The following RORA variants were observed in gnomAD, a reference collection of about 807,000 sequenced individuals.
RORA encodes RAR related orphan receptor A.
A neutral mutation model predicts 69.5 loss-of-function variants in RORA; 7 were observed. That is an observed-to-expected ratio of 0.10 (90% CI 0.06 to 0.19). The LOEUF (loss-of-function observed/expected upper bound fraction) is 0.19, where lower values mean the gene tolerates loss of function less well. Among genes scored for constraint, RORA ranks in the 10% least tolerant of loss-of-function variants. The pLI is 1.00. For synonymous variants in RORA, 261 were observed against 240.8 expected (o/e 1.08, Z -0.78); for missense variants, 457 against 663.0 (o/e 0.69, Z 3.41).
chr15:60,517,084 T>C (rs976432924), intron 3 of RORA, among the ~76,000 whole-genome samples: 4 of 146,474 alleles, frequency 2.7e-5, no homozygotes, highest in Non-Finnish European at 5.9e-5. Flanking sequence ...CCAATCAGAT[T>C]TTATTTTTCT....
intron 1 of RORA, among the ~76,000 whole-genome samples, chr15:61,146,459 T>TACAC (rs5813074): frequency 2.8e-4 from 42 of 149,630 alleles, no homozygotes; most frequent in African/African-American, 7.9e-4. Context: ...CACATACACA[T>TACAC]ACACACACAC....
intron 1 of RORA, among the ~76,000 whole-genome samples, chr15:61,161,055 G>A (rs1567017331): frequency 6.6e-6 from 1 of 152,090 alleles, no homozygotes; most frequent in African/African-American, 2.4e-5. Context: ...GGGAGGCGGA[G>A]GGGGTCTGAC....
At chr15:60,695,518 T>C (rs2140781816) in intron 1 of RORA, among the ~76,000 whole-genome samples, 1 of 152,162 alleles carries the variant, frequency 6.6e-6, no homozygotes, top group Admixed American at 6.5e-5. Context: ...TTCCAAATAA[T>C]TCTTACAATT....
intron 1 of RORA, among the ~76,000 whole-genome samples, chr15:60,726,702 G>T (rs2071361524): frequency 6.6e-6 from 1 of 152,164 alleles, no homozygotes; most frequent in Non-Finnish European, 1.5e-5. Context: ...GGGGCGGGTG[G>T]GTATGCGGGG....
intron 1 of RORA, among the ~76,000 whole-genome samples, chr15:60,832,896 T>A (rs1472005386): frequency 6.6e-6 from 1 of 151,934 alleles, no homozygotes; most frequent in African/African-American, 2.4e-5. Flanking sequence ...TTCTGTTCCA[T>A]CCCAACTGAG....
chr15:61,219,331 T>C (rs1221280552), intron 1 of RORA, among the ~76,000 whole-genome samples: 1 of 152,190 alleles, frequency 6.6e-6, no homozygotes, highest in African/African-American at 2.4e-5. Flanking sequence ...TCCCAGCACT[T>C]TGGGAGGCCA....
intron 1 of RORA, among the ~76,000 whole-genome samples, chr15:60,695,629 C>G (rs919941008): frequency 6.6e-6 from 1 of 152,120 alleles, no homozygotes; most frequent in African/African-American, 2.4e-5. Flanking sequence ...CAAGTCATCA[C>G]CCTGATGCCA....
chr15:61,103,104 T>C (rs772888572), intron 1 of RORA, among the ~76,000 whole-genome samples: 3 of 152,174 alleles, frequency 2.0e-5, no homozygotes, highest in Non-Finnish European at 2.9e-5. Context: ...TCACTTATTT[T>C]AGGTGGGTAA....
chr15:60,938,599 A>G (rs6494234), intron 1 of RORA, among the ~76,000 whole-genome samples: 24,360 of 152,198 alleles, frequency 0.16, 2,023 homozygotes, highest in Admixed American at 0.21. Flanking sequence ...GGATACAGGT[A>G]CATGGTTAGA....
chr15:60,616,252 T>A (rs753418113), intron 2 of RORA, among the ~76,000 whole-genome samples: 68 of 152,144 alleles, frequency 4.5e-4, no homozygotes, highest in Non-Finnish European at 1.0e-3. Context: ...ATAAAAGTGT[T>A]GATCAAATCC....
At chr15:61,204,206 C>T (rs1025789765) in intron 1 of RORA, among the ~76,000 whole-genome samples, 6 of 152,298 alleles carry the variant, frequency 3.9e-5, no homozygotes, top group Middle Eastern at 3.4e-3. Context: ...CAAGCTGAGA[C>T]TCACCAGATG....
chr15:60,684,174 T>G (rs192992541), intron 1 of RORA, among the ~76,000 whole-genome samples: 5 of 152,172 alleles, frequency 3.3e-5, no homozygotes, highest in Non-Finnish European at 7.3e-5. Flanking sequence ...CCAGAGGCCT[T>G]GTATCCTGGA....
intron 1 of RORA, among the ~76,000 whole-genome samples, chr15:60,883,259 A>C (rs997570194): frequency 6.6e-6 from 1 of 152,136 alleles, no homozygotes; most frequent in African/African-American, 2.4e-5. Context: ...CACAGCAAGA[A>C]CAGCATTACG....
At position 60,903,152 on chromosome 15, in the gene RORA, C is replaced by A. The variant is rs114910455; in HGVS notation, c.167-224466G>T. Among the ~76,000 whole-genome samples the A allele has an allele frequency of 6.6e-3, 1,001 of 152,254 alleles. 12 individuals carry two copies. The highest frequency in any genetic ancestry group is 0.023 in the African/African-American group (938 of 41,542). On this transcript the variant is annotated intron_variant, in intron 1 of 10. Transcript: ENST00000335670. ...CAACTGGCATTCATCAAGCACCAAC[C>A]ACAGGCTTGAAATTTATATTAGTTG...
At chr15:60,996,833 C>T (rs906736383) in intron 1 of RORA, among the ~76,000 whole-genome samples, 2 of 151,922 alleles carry the variant, frequency 1.3e-5, no homozygotes, top group African/African-American at 4.8e-5. Flanking sequence ...TGGTGTGAAC[C>T]CAGGAGGCGG....
At chr15:60,587,922 C>A (rs1367009672) in intron 2 of RORA, among the ~76,000 whole-genome samples, 2 of 152,136 alleles carry the variant, frequency 1.3e-5, no homozygotes, top group Non-Finnish European at 1.5e-5. Flanking sequence ...GACCTCCTAT[C>A]TCTTGACAAT....
chr15:60,677,941 T>G (rs1402213927), intron 2 of RORA, among the ~76,000 whole-genome samples: 1 of 152,246 alleles, frequency 6.6e-6, no homozygotes, highest in Non-Finnish European at 1.5e-5. Context: ...GAAAGTTGAC[T>G]GCCTGCATCA....
At chr15:60,854,850 A>T (rs1352868532) in intron 1 of RORA, among the ~76,000 whole-genome samples, 2 of 152,234 alleles carry the variant, frequency 1.3e-5, no homozygotes, top group African/African-American at 4.8e-5. Context: ...TTGGCAGTTT[A>T]AAGTATTGGC....
intron 1 of RORA, among the ~76,000 whole-genome samples, chr15:61,197,875 C>T (rs1446965976): frequency 2.2e-5 from 3 of 137,612 alleles, no homozygotes; most frequent in Non-Finnish European, 3.2e-5. Context: ...CACCACCACA[C>T]GCTGAAGGGA....
Sources: allele counts gnomAD v4.1 joint callset (sites outside exome capture counted in the v4.1 genomes callset), GRCh38; gene constraint gnomAD v4.1.1; transcripts MANE v1.5; gene names NCBI Gene and HGNC (gene_info 2026-07-23, HGNC 2026-07-21).